MAML2: variants seen among roughly 807,000 people sequenced by gnomAD.
MAML2 encodes mastermind like transcriptional coactivator 2.
A neutral mutation model predicts 96.1 loss-of-function variants in MAML2; 22 were observed. That is an observed-to-expected ratio of 0.23 (90% confidence interval 0.16 to 0.33). MAML2 has a LOEUF of 0.33. MAML2 is among the 10% of genes least tolerant of loss of function. The pLI is 1.00. For missense variants in MAML2, 1,367 were observed against 1,392.4 expected (o/e 0.98, Z 0.29); for synonymous variants, 561 against 521.3 (o/e 1.08, Z -1.04).
At chr11:95,988,875 A>C (rs1857868035) in intron 3 of MAML2, among the ~76,000 whole-genome samples, 1 of 152,172 alleles carries the variant, frequency 6.6e-6, no homozygotes, top group Non-Finnish European at 1.5e-5. Flanking sequence ...TCTAATGATA[A>C]CCCAATCTGT....
At chr11:96,337,878 T>C (rs977441789) in intron 1 of MAML2, among the ~76,000 whole-genome samples, 5 of 152,242 alleles carry the variant, frequency 3.3e-5, no homozygotes, top group Admixed American at 2.6e-4. Flanking sequence ...CTCAACAAGC[T>C]GGGGCAGCAT....
At chr11:96,216,709 G>T (rs780802071) in intron 1 of MAML2, among the ~76,000 whole-genome samples, 2 of 152,174 alleles carry the variant, frequency 1.3e-5, no homozygotes, top group Non-Finnish European at 2.9e-5. Flanking sequence ...TTCTCAGGAA[G>T]CGTGCAGCCC....
intron 2 of MAML2, among the ~76,000 whole-genome samples, chr11:96,055,921 T>TA (rs1342237787): frequency 6.6e-6 from 1 of 152,204 alleles, no homozygotes; most frequent in Non-Finnish European, 1.5e-5. Context: ...AGTGAAAAGG[T>TA]AAAAAATGGC....
At chr11:96,339,844 C>T (rs1863968558) in intron 1 of MAML2, among the ~76,000 whole-genome samples, 1 of 152,210 alleles carries the variant, frequency 6.6e-6, no homozygotes, top group Non-Finnish European at 1.5e-5. Context: ...AAAACAACCT[C>T]CCACTGCTTT....
rs1015565633 is a variant in MAML2, at chr11:95,977,307, A to C, written c.*1641T>G. ...ATTCTTTACAAAAGTTTACAAAACAAGTAATTTATTTATATTTACAAACTA... is the reference window on the plus strand; with the variant it reads ...ATTCTTTACAAAAGTTTACAAAACACGTAATTTATTTATATTTACAAACTA... On this transcript the variant is annotated 3_prime_UTR_variant, in exon 5 of 5. Transcript: ENST00000524717. 2 of 185,890 alleles carry C rather than the reference A, an allele frequency of 1.1e-5. No individual in the cohort carries two copies. The highest frequency in any genetic ancestry group is 2.3e-5 in the Non-Finnish European group (2 of 87,894). 11.5% of individuals were successfully genotyped at this position (185,890 alleles called of 1,614,324 possible).
In MAML2 at chr11:95,979,391, A is replaced by G. The variant is rs756004907; in HGVS notation, c.3028T>C (p.Ser1010Pro). The change falls in exon 5 of 5, where the codon TCC becomes CCC. Residue 1010 changes from serine (S) to proline (P), a missense_variant. By Grantham distance (74) the Ser-to-Pro change is moderately conservative (BLOSUM62 -1). Transcript: ENST00000524717. ...TTAGGAGGAGCCACTGCCCTCTGGGAAAATTGCTGGCTACCTACTGCCTGT... is the reference window on the plus strand; with the variant it reads ...TTAGGAGGAGCCACTGCCCTCTGGGGAAATTGCTGGCTACCTACTGCCTGT... ...LQQAVGSQQF[S>P]QRAVAPPNQL... 9 of 1,613,594 alleles carry G rather than the reference A, an allele frequency of 5.6e-6. No individual in the cohort carries two copies. The highest frequency in any genetic ancestry group is 6.8e-6 in the Non-Finnish European group (8 of 1,179,756).
intron 1 of MAML2, among the ~76,000 whole-genome samples, chr11:96,141,580 G>C (rs1003006006): frequency 1.3e-5 from 2 of 152,136 alleles, no homozygotes; most frequent in Non-Finnish European, 2.9e-5. Context: ...TCAGGGATGA[G>C]AGCCAAGGTA....
chr11:96,164,878 CCTTT>C (rs1201076678), intron 1 of MAML2, among the ~76,000 whole-genome samples: 1 of 152,222 alleles, frequency 6.6e-6, no homozygotes, highest in Non-Finnish European at 1.5e-5. Context: ...ACCCACCCAT[CCTTT>C]CTATTTTCCT....
chr11:96,166,175 TCTCA>T (rs1335277287), intron 1 of MAML2, among the ~76,000 whole-genome samples: 2,381 of 101,760 alleles, frequency 0.023, 23 homozygotes, highest in Middle Eastern at 0.059. Flanking sequence ...TCTCTCTCTC[TCTCA>T]CACACACACA....
chr11:96,153,236 G>A (rs1464980327), intron 1 of MAML2, among the ~76,000 whole-genome samples: 1 of 149,738 alleles, frequency 6.7e-6, no homozygotes, highest in African/African-American at 2.5e-5. Context: ...AATGACGCTT[G>A]CTCCTACGCC....
chr11:96,141,020 CATAAGT>C (rs1472730369), intron 1 of MAML2, among the ~76,000 whole-genome samples: 3 of 152,166 alleles, frequency 2.0e-5, no homozygotes, highest in Non-Finnish European at 2.9e-5. Context: ...CATTTCTTAG[CATAAGT>C]ATGTCTCATG....
chr11:96,102,899 A>G (rs1053621288), intron 1 of MAML2, among the ~76,000 whole-genome samples: 3 of 152,368 alleles, frequency 2.0e-5, no homozygotes, highest in South Asian at 2.1e-4. Context: ...CCCAAAATAT[A>G]TCGAAGCAAA....
At chr11:96,170,111 T>C (rs1861261522) in intron 1 of MAML2, among the ~76,000 whole-genome samples, 1 of 152,178 alleles carries the variant, frequency 6.6e-6, no homozygotes, top group Admixed American at 6.5e-5. Flanking sequence ...CATCACACGG[T>C]CCCTTTCCAC....
chr11:96,271,853 G>A lies in MAML2; in HGVS notation c.513+69530C>T, dbSNP rs1478997972. 3.9e-5 allele frequency among the ~76,000 whole-genome samples: 6 copies of A among 152,158 alleles called. No individual in the cohort carries two copies. The East Asian group carries it at 1.2e-3, about 29-fold the overall frequency. Reference sequence around the variant, plus strand: ...TGGTCTACAAGGCCGTATGCAACCTGCCTCCAAGACCGCATTACTTCTTTG... The same window carrying A: ...TGGTCTACAAGGCCGTATGCAACCTACCTCCAAGACCGCATTACTTCTTTG... On this transcript the variant is annotated intron_variant, in intron 1 of 4. Coordinates refer to ENST00000524717, the MANE Select transcript of MAML2 (RefSeq NM_032427.4).
intron 1 of MAML2, among the ~76,000 whole-genome samples, chr11:96,232,706 C>T (rs1174173210): frequency 2.6e-5 from 4 of 152,134 alleles, no homozygotes; most frequent in Non-Finnish European, 5.9e-5. Context: ...CTCCTGACCT[C>T]GCGATCCGCC....
chr11:96,302,246 ACTTT>A (rs5793795), intron 1 of MAML2, among the ~76,000 whole-genome samples: 12,200 of 152,236 alleles, frequency 0.08, 884 homozygotes, highest in African/African-American at 0.2. Flanking sequence ...ATCCATACTG[ACTTT>A]CTAAGACACA....
intron 2 of MAML2, among the ~76,000 whole-genome samples, chr11:96,087,827 G>A (rs972180119): frequency 6.6e-6 from 1 of 152,140 alleles, no homozygotes; most frequent in African/African-American, 2.4e-5. Context: ...GGAGTGGCTT[G>A]GATATCATAC....
chr11:96,109,646 G>A (rs1187912802), intron 1 of MAML2, among the ~76,000 whole-genome samples: 1 of 152,218 alleles, frequency 6.6e-6, no homozygotes, highest in African/African-American at 2.4e-5. Context: ...TAGTGACTGG[G>A]TAGATGATGG....
chr11:96,171,582 C>T (rs1861298221), intron 1 of MAML2, among the ~76,000 whole-genome samples: 1 of 152,188 alleles, frequency 6.6e-6, no homozygotes, highest in Admixed American at 6.5e-5. Context: ...GACAGTGTTC[C>T]TTCTGGTTGT....
Sources: gnomAD v4.1 joint callset for allele counts (sites outside exome capture counted in the v4.1 genomes callset) on GRCh38, gnomAD v4.1.1 for gene constraint, MANE v1.5 for transcripts, NCBI Gene and HGNC (gene_info 2026-07-23, HGNC 2026-07-21) for gene names.